The following CACNA1B variants were observed in gnomAD, a reference collection of about 807,000 sequenced individuals.
CACNA1B encodes calcium voltage-gated channel subunit alpha1 B.
Under a neutral mutation model 247.2 loss-of-function variants are expected in CACNA1B, and 70 were observed. The observed-to-expected ratio is 0.28, with a 90% CI of 0.23 to 0.35. The LOEUF (loss-of-function observed/expected upper bound fraction) is 0.35, where lower values mean the gene tolerates loss of function less well. Ranked by LOEUF, CACNA1B falls within the 10% of genes least tolerant of loss-of-function variation. CACNA1B has a pLI of 1.00. For synonymous variants in CACNA1B, 1,231 were observed against 1,294.4 expected, an observed-to-expected ratio of 0.95 and a Z score of 1.05; for missense variants, 2,367 against 3,197.4, an observed-to-expected ratio of 0.74 and a Z score of 6.26.
intron 6 of CACNA1B, among the ~76,000 whole-genome samples, chr9:137,932,078 A>T (rs1228361200): frequency 1.3e-5 from 2 of 152,156 alleles, no homozygotes; most frequent in African/African-American, 4.8e-5. Context: ...CAGTTAGGAG[A>T]TCCAGTCCCC....
intron 40 of CACNA1B, among the ~76,000 whole-genome samples, chr9:138,113,515 A>G (rs1478704919): frequency 3.5e-3 from 235 of 67,360 alleles, no homozygotes; most frequent in African/African-American, 7.6e-3. Flanking sequence ...GGAGCGCAGG[A>G]AGGTGCCCAA....
chr9:138,107,533 C>A (rs1457544492), intron 39 of CACNA1B, among the ~76,000 whole-genome samples: 1 of 152,076 alleles, frequency 6.6e-6, no homozygotes, highest in African/African-American at 2.4e-5. Context: ...TTGACTCTGT[C>A]TTTAAAATAT....
intron 20 of CACNA1B, among the ~76,000 whole-genome samples, chr9:138,029,562 T>C (rs575975255): frequency 6.6e-6 from 1 of 152,102 alleles, no homozygotes; most frequent in Admixed American, 6.5e-5. Flanking sequence ...TCAGTGTTTT[T>C]CCTCCTTGTC....
chr9:137,906,388 C>T (rs1398366831), intron 3 of CACNA1B, among the ~76,000 whole-genome samples: 1 of 152,172 alleles, frequency 6.6e-6, no homozygotes, highest in African/African-American at 2.4e-5. Flanking sequence ...ATTTGTCTTA[C>T]TTGGGAATGG....
At chr9:137,922,892 G>A (rs1957503339) in intron 6 of CACNA1B, among the ~76,000 whole-genome samples, 1 of 152,118 alleles carries the variant, frequency 6.6e-6, no homozygotes, top group Non-Finnish European at 1.5e-5. Context: ...CATCCCTGCA[G>A]GGGTCCCTCC....
Position 138,013,172 on chromosome 9 carries a change from T to C in CACNA1B, c.2204T>C (p.Leu735Pro), listed in dbSNP as rs1357227287. ...GAAGCAGCCAATCAGAAGCTTGCTC[T>C]GCAAAAGGCCAAAGAAGTGGCTGAA... The part of the protein sequence containing the change: ...MEEAANQKLA[L>P]QKAKEVAEVS... The change falls in exon 18 of 47, where the codon CTG becomes CCG. Residue 735 changes from leucine (L) to proline (P), a missense_variant. This residue lies in a region of CACNA1B where 631 missense variants were observed against 631.1 expected (regional missense o/e 1.00). Transcript: ENST00000371372. The C allele has an allele frequency of 6.8e-6, 11 of 1,612,090 alleles. No homozygotes were observed. Among genetic ancestry groups the C allele is most frequent in the Non-Finnish European group, 9.3e-6 (11 of 1,179,224 alleles).
chr9:138,121,369 C>G lies in CACNA1B; in HGVS notation c.6490-100C>G. 2.1e-6 allele frequency: 2 copies of G among 931,190 alleles called. No individual in the cohort carries two copies. Among genetic ancestry groups the G allele is most frequent in the East Asian group, 2.6e-5 (1 of 38,104 alleles). 57.7% of individuals were successfully genotyped at this position (931,190 alleles called of 1,614,324 possible). A position where few individuals can be genotyped will look rare whatever the true frequency, so the allele number is the denominator to read the frequency against. ...TCCCCCATTGCCTCCCTCTCTCCTCCCATCCCCCCAGGCACCTGTGTGTGA... is the reference window on the plus strand; with the variant it reads ...TCCCCCATTGCCTCCCTCTCTCCTCGCATCCCCCCAGGCACCTGTGTGTGA... On this transcript the variant is annotated intron_variant, in intron 46 of 46. Transcript: ENST00000371372. The surrounding 1 kb of genome is among the most constrained non-coding windows in gnomAD (Gnocchi z 6.8).
chr9:137,965,958 G>A (rs1479705751), intron 10 of CACNA1B, among the ~76,000 whole-genome samples: 1 of 152,152 alleles, frequency 6.6e-6, no homozygotes, highest in Non-Finnish European at 1.5e-5. Context: ...TATAGTTTGG[G>A]CAATATAAAG....
chr9:137,902,032 T>C (rs925580591), intron 3 of CACNA1B, among the ~76,000 whole-genome samples: 2 of 152,202 alleles, frequency 1.3e-5, no homozygotes, highest in African/African-American at 4.8e-5. Context: ...CCACTGGATA[T>C]ATTTTCTTGT....
intron 39 of CACNA1B, among the ~76,000 whole-genome samples, chr9:138,106,628 C>T (rs1961436913): frequency 6.6e-6 from 1 of 152,206 alleles, no homozygotes; most frequent in South Asian, 2.1e-4. Context: ...ATTAGGTGGG[C>T]GTGGTGGTGG....
chr9:138,078,191 C>T lies in CACNA1B; in HGVS notation c.5027C>T (p.Ala1676Val). 1 of 1,613,914 alleles carries T rather than the reference C, an allele frequency of 6.2e-7. No homozygotes were observed. The highest frequency in any genetic ancestry group is 8.5e-7 in the Non-Finnish European group (1 of 1,179,788). The change falls in exon 36 of 47, where the codon GCC (alanine) becomes GTC (valine). Residue 1676 changes from alanine (A) to valine (V), a missense_variant. By Grantham distance (64) the Ala-to-Val change is moderately conservative (BLOSUM62 0). Coordinates refer to ENST00000371372, the MANE Select transcript of CACNA1B (RefSeq NM_000718.4). The part of the protein sequence containing the change: ...SNQACDEQAN[A>V]TECGSDFAYF... ...CAGGCCTGTGATGAGCAGGCCAATG[C>T]CACCGAGTGTGGAAGTGACTTTGCC...
At position 138,072,226 on chromosome 9, in the gene CACNA1B, T is replaced by C. The variant is rs1427467804; in HGVS notation, c.4675-1262T>C. 2.0e-5 allele frequency among the ~76,000 whole-genome samples: 3 copies of C among 152,210 alleles called. No homozygotes were observed. Among genetic ancestry groups the C allele is most frequent in the South Asian group, 2.1e-4 (1 of 4,830 alleles). Reference sequence around the variant, plus strand: ...GCTCCCACAGTTGCAGCATCCCGCCTGAGAGCCAGTACCTCGAGTTGAATC... The same window carrying C: ...GCTCCCACAGTTGCAGCATCCCGCCCGAGAGCCAGTACCTCGAGTTGAATC... On this transcript the variant is annotated intron_variant, in intron 32 of 46. Transcript: ENST00000371372. The surrounding 1 kb of genome is among the most constrained non-coding windows in gnomAD (Gnocchi z 4.5).
rs534087188 is a variant in CACNA1B, at chr9:138,102,100, G to A, written c.5223-611G>A. 6.6e-6 allele frequency among the ~76,000 whole-genome samples: 1 copy of A among 152,306 alleles called. No individual in the cohort carries two copies. Among genetic ancestry groups the A allele is most frequent in the Admixed American group, 6.5e-5 (1 of 15,308 alleles). On this transcript the variant is annotated intron_variant, in intron 37 of 46. Transcript: ENST00000371372. This position sits in a 1 kb window ranked among gnomAD's most constrained non-coding sequence, Gnocchi z 5.4. ...CCTGGGCTGGCCTCGGGCGTCTCTGGGCTTGAAGCAGGACTTGCCCCAAGG... is the reference window on the plus strand; with the variant it reads ...CCTGGGCTGGCCTCGGGCGTCTCTGAGCTTGAAGCAGGACTTGCCCCAAGG...
intron 15 of CACNA1B, among the ~76,000 whole-genome samples, chr9:137,987,102 G>A (rs1448329781): frequency 2.0e-5 from 3 of 152,232 alleles, no homozygotes; most frequent in Non-Finnish European, 4.4e-5. Flanking sequence ...TAGGGAGCAA[G>A]TGTAGTTCCC....
rs780187372 is a variant in CACNA1B, at chr9:137,984,174, G to T, written c.1693G>T (p.Ala565Ser). ...GAGCGTCTTTGAAGTGGTCTGGGCG[G>T]CCATCAAGCCGGGAAGCTCCTTTGG... ...VGSVFEVVWA[A>S]IKPGSSFGIS... Residue 565 changes from alanine (A) to serine (S), a missense_variant, in exon 13 of 47, where the codon GCC (alanine) becomes TCC (serine). By Grantham distance (99) the Ala-to-Ser change is moderately conservative. Around this residue, in one of 12 missense-constraint regions of CACNA1B, gnomAD observed 219 missense variants for 297.6 expected, o/e 0.74. Coordinates refer to ENST00000371372, the MANE Select transcript of CACNA1B (RefSeq NM_000718.4). 4 of 1,603,586 alleles carry T rather than the reference G, an allele frequency of 2.5e-6. No individual in the cohort carries two copies. In the South Asian group the frequency reaches 4.5e-5, roughly 18 times the overall value.
At chr9:137,979,035 C>T (rs530903843) in intron 12 of CACNA1B, among the ~76,000 whole-genome samples, 3 of 152,326 alleles carry the variant, frequency 2.0e-5, no homozygotes, top group South Asian at 4.1e-4. Flanking sequence ...GAGATGGAGG[C>T]GTCAGAGATG....
At chr9:138,074,429 CAG>C (rs1175690292) in intron 34 of CACNA1B, among the ~76,000 whole-genome samples, 1 of 152,156 alleles carries the variant, frequency 6.6e-6, no homozygotes, top group Non-Finnish European at 1.5e-5. Flanking sequence ...TTAGTAGAGA[CAG>C]GGTTTCACCA....
At chr9:138,053,215 G>C (rs1959357328) in intron 25 of CACNA1B, among the ~76,000 whole-genome samples, 1 of 152,240 alleles carries the variant, frequency 6.6e-6, no homozygotes, top group South Asian at 2.1e-4. Flanking sequence ...TGCTGGTGCA[G>C]CTGGGTCTGG....
Position 138,015,916 on chromosome 9 carries a change from ACACT to A in CACNA1B, c.2267+2685_2267+2688del, listed in dbSNP as rs1310963070. 3.9e-5 allele frequency among the ~76,000 whole-genome samples: 6 copies of A among 152,222 alleles called. No individual in the cohort carries two copies. In the South Asian group the frequency reaches 6.2e-4, roughly 16 times the overall value. ...ACTGGCAGCCTGCAGAGTCACACTG[ACACT>A]CACACACACACACATACTCACAAAT... On this transcript the variant is annotated intron_variant, in intron 18 of 46. Coordinates refer to ENST00000371372, the MANE Select transcript of CACNA1B (RefSeq NM_000718.4).
Sources: gnomAD v4.1 joint callset for allele counts (sites outside exome capture counted in the v4.1 genomes callset) on GRCh38, gnomAD v4.1.1 for gene constraint, gnomAD v4.1.1 regional missense constraint, Gnocchi (gnomAD v3.1) non-coding constraint, MANE v1.5 for transcripts, NCBI Gene and HGNC (gene_info 2026-07-23, HGNC 2026-07-21) for gene names.